RABGAP1L: variants seen among roughly 807,000 people sequenced by gnomAD.
The protein encoded by RABGAP1L is rab GTPase-activating protein 1-like.
Under a neutral mutation model 137.7 loss-of-function variants are expected in RABGAP1L, and 63 were observed. That is an observed-to-expected ratio of 0.46 (90% CI 0.37 to 0.56). The LOEUF is 0.56. Among genes scored for constraint, RABGAP1L ranks in the 20% least tolerant of loss-of-function variants. The pLI is 0.00. For missense variants in RABGAP1L, 1,095 were observed against 1,244.0 expected, an observed-to-expected ratio of 0.88 and a Z score of 1.80; for synonymous variants, 431 against 433.7, an observed-to-expected ratio of 0.99 and a Z score of 0.08.
chr1:174,519,721 T>C (rs1663200536), intron 13 of RABGAP1L, among the ~76,000 whole-genome samples: 1 of 152,220 alleles, frequency 6.6e-6, no homozygotes, highest in Non-Finnish European at 1.5e-5. Context: ...ATGGTACATC[T>C]ATTGAGTCTC....
chr1:174,322,339 G>T, intron 11 of RABGAP1L, among the ~76,000 whole-genome samples: 1 of 152,160 alleles, frequency 6.6e-6, no homozygotes, highest in East Asian at 1.9e-4. Flanking sequence ...GAATTAAGGA[G>T]TGGCTTGTCT....
At chr1:174,850,197 A>G (rs1178868248) in intron 19 of RABGAP1L, 2 of 373,606 alleles carry the variant, frequency 5.4e-6, no homozygotes, top group Non-Finnish European at 1.0e-5. Context: ...CCTCAGGTTT[A>G]CGCCACACGT....
intron 18 of RABGAP1L, among the ~76,000 whole-genome samples, chr1:174,783,989 G>C (rs189020294): frequency 1.4e-5 from 2 of 142,656 alleles, no homozygotes; most frequent in Non-Finnish European, 3.0e-5. Context: ...ATTACAGGCC[G>C]TGAGTTTTTC....
chr1:174,221,256 T>C, intron 3 of RABGAP1L, 92 bp downstream of exon 3: 1 of 1,009,830 alleles, frequency 9.9e-7, no homozygotes, highest in Non-Finnish European at 1.4e-6. Flanking sequence ...TTGTTAGCTC[T>C]TCTCAAGCTT....
At chr1:174,195,762 T>TTTC in intron 1 of RABGAP1L, among the ~76,000 whole-genome samples, 1 of 133,666 alleles carries the variant, frequency 7.5e-6, no homozygotes, top group South Asian at 2.4e-4. Context: ...TCTCTTTCTC[T>TTTC]CTTTCTCTCT....
At chr1:174,820,541 G>T (rs1305507139) in intron 19 of RABGAP1L, among the ~76,000 whole-genome samples, 1 of 152,118 alleles carries the variant, frequency 6.6e-6, no homozygotes, top group Non-Finnish European at 1.5e-5. Context: ...CTAATTAATA[G>T]AAAAGAGAGT....
chr1:174,255,738 C>A (rs1425353387), intron 7 of RABGAP1L, among the ~76,000 whole-genome samples: 1 of 152,170 alleles, frequency 6.6e-6, no homozygotes, highest in Non-Finnish European at 1.5e-5. Flanking sequence ...GTTGGTCAGG[C>A]TGGCCTTGAA....
intron 13 of RABGAP1L, among the ~76,000 whole-genome samples, chr1:174,605,123 A>T (rs1367995550): frequency 6.6e-6 from 1 of 151,986 alleles, no homozygotes; most frequent in Non-Finnish European, 1.5e-5. Context: ...CATGGGCAAC[A>T]GAGTGAGACC....
intron 13 of RABGAP1L, among the ~76,000 whole-genome samples, chr1:174,421,597 T>C (rs1445916629): frequency 6.6e-6 from 1 of 152,226 alleles, no homozygotes; most frequent in Non-Finnish European, 1.5e-5. Context: ...CTCTTAGATT[T>C]CCTTTATTTG....
At chr1:174,903,728 A>T (rs1658524901) in intron 19 of RABGAP1L, among the ~76,000 whole-genome samples, 1 of 152,158 alleles carries the variant, frequency 6.6e-6, no homozygotes, top group Non-Finnish European at 1.5e-5. Flanking sequence ...AGGCGGGTGG[A>T]TCACCTGAGG....
At chr1:174,213,683 C>A (rs12070328) in intron 1 of RABGAP1L, among the ~76,000 whole-genome samples, 9,715 of 152,234 alleles carry the variant, frequency 0.064, 1,011 homozygotes, top group African/African-American at 0.22. Flanking sequence ...AGACACATAT[C>A]AATCGGTGTG....
At chr1:174,910,479 C>T (rs1659878814) in intron 19 of RABGAP1L, among the ~76,000 whole-genome samples, 1 of 152,118 alleles carries the variant, frequency 6.6e-6, no homozygotes. Context: ...AAGTTGAAGC[C>T]TTTCCTCCTA....
chr1:174,651,488 C>T (rs942845011), intron 14 of RABGAP1L, among the ~76,000 whole-genome samples: 2 of 152,164 alleles, frequency 1.3e-5, no homozygotes, highest in African/African-American at 2.4e-5. Context: ...TGGTAGGTCA[C>T]TCAGGACTTG....
chr1:174,729,010 A>G (rs182359604), intron 17 of RABGAP1L, among the ~76,000 whole-genome samples: 1 of 152,294 alleles, frequency 6.6e-6, no homozygotes, highest in East Asian at 1.9e-4. Flanking sequence ...AAGAGCCCAA[A>G]TAGCCAAAGC....
At chr1:174,678,388 C>CA (rs1677796983) in intron 14 of RABGAP1L, among the ~76,000 whole-genome samples, 2 of 151,720 alleles carry the variant, frequency 1.3e-5, no homozygotes, top group African/African-American at 4.8e-5. Context: ...AACCCTATAC[C>CA]AAAATGTGTC....
At chr1:174,716,766 A>G (rs1681052185) in intron 17 of RABGAP1L, among the ~76,000 whole-genome samples, 1 of 152,208 alleles carries the variant, frequency 6.6e-6, no homozygotes, top group Admixed American at 6.5e-5. Flanking sequence ...GGAATATGCC[A>G]GAAAATTTTT....
chr1:174,900,405 A>C (rs1008227368), intron 19 of RABGAP1L, among the ~76,000 whole-genome samples: 3 of 152,228 alleles, frequency 2.0e-5, no homozygotes, highest in Non-Finnish European at 4.4e-5. Context: ...TCATTTACTC[A>C]GACTGCGCCC....
chr1:174,722,145 TG>T (rs1332967022), intron 17 of RABGAP1L, among the ~76,000 whole-genome samples: 1 of 152,302 alleles, frequency 6.6e-6, no homozygotes, highest in Non-Finnish European at 1.5e-5. Context: ...TTGGCCAGGA[TG>T]GTCCCCATCT....
chr1:174,380,312 T>A (rs1208560214), intron 12 of RABGAP1L, among the ~76,000 whole-genome samples: 2 of 152,134 alleles, frequency 1.3e-5, no homozygotes, highest in Non-Finnish European at 2.9e-5. Flanking sequence ...TAAAATGAGT[T>A]AGGGAGGATT....
Sources: gnomAD v4.1 joint callset for allele counts (sites outside exome capture counted in the v4.1 genomes callset) on GRCh38, gnomAD v4.1.1 for gene constraint, MANE v1.5 for transcripts, NCBI Gene and HGNC (gene_info 2026-07-23, HGNC 2026-07-21) for gene names.